The following FRY variants were observed in gnomAD, a reference collection of about 807,000 sequenced individuals.
The protein encoded by FRY is protein furry homolog.
A neutral mutation model predicts 348.4 loss-of-function variants in FRY; 128 were observed. That is an observed-to-expected ratio of 0.37 (90% confidence interval 0.32 to 0.43). The LOEUF (loss-of-function observed/expected upper bound fraction) is 0.43. FRY is among the 20% of genes least tolerant of loss of function. The pLI, the probability that FRY is intolerant of heterozygous loss-of-function variation, is 1.00. For synonymous variants in FRY, 1,370 were observed against 1,374.7 expected (o/e 1.00, Z 0.08); for missense variants, 2,736 against 3,695.2 (o/e 0.74, Z 6.73).
In FRY at chr13:32,161,148, G is replaced by C; in HGVS notation, c.1789G>C (p.Glu597Gln). Residue 597 changes from glutamate (E) to glutamine (Q), a missense_variant, in exon 17 of 61, where the codon GAG (glutamate) becomes CAG (glutamine). Around this residue, in one of 9 missense-constraint regions of FRY, gnomAD observed 191 missense variants for 370.2 expected, o/e 0.52. Transcript: ENST00000542859. Reference sequence around the variant, plus strand: ...AATTTTGTCTTCTAATTCTAGGGGTGAGAGAAAGCCAAAAATAGATCTTTT... The same window carrying C: ...AATTTTGTCTTCTAATTCTAGGGGTCAGAGAAAGCCAAAAATAGATCTTTT... ...NKEPEDMITG[E>Q]RKPKIDLFRT... 1 of 1,602,568 alleles carries C rather than the reference G, an allele frequency of 6.2e-7. No individual in the cohort carries two copies. The highest frequency in any genetic ancestry group is 8.5e-7 in the Non-Finnish European group (1 of 1,169,654).
rs186279127 is a variant in FRY, at chr13:32,264,526, A to G, written c.7780-924A>G. On this transcript the variant is annotated intron_variant, in intron 53 of 60. Coordinates refer to ENST00000542859, the MANE Select transcript of FRY (RefSeq NM_023037.3). The stretch of plus-strand genomic sequence containing the variant: ...AAGAAAATGACTCACTGTAACATGT[A>G]CATCTTTCTTCCTCTCCCTTCTGAT... Among the ~76,000 whole-genome samples, 562 of 152,308 alleles carry G rather than the reference A, an allele frequency of 3.7e-3. 1 individual carries two copies. The highest frequency in any genetic ancestry group is 0.027 in the Middle Eastern group (8 of 294).
chr13:32,188,354 T>A (rs376949874), intron 28 of FRY, among the ~76,000 whole-genome samples: 1 of 152,046 alleles, frequency 6.6e-6, no homozygotes, highest in African/African-American at 2.4e-5. Flanking sequence ...CTTTTAGAGA[T>A]TTTTTTAAGA....
intron 14 of FRY, among the ~76,000 whole-genome samples, chr13:32,151,600 C>CT (rs1214325239): frequency 6.6e-6 from 1 of 152,228 alleles, no homozygotes; most frequent in Non-Finnish European, 1.5e-5. Context: ...GATTATCTTA[C>CT]TGTAAACTTT....
chr13:32,260,254 GTTGTT>G (rs1371129503), intron 51 of FRY, among the ~76,000 whole-genome samples: 1 of 152,124 alleles, frequency 6.6e-6, no homozygotes, highest in East Asian at 1.9e-4. Context: ...ATCAGAAAAA[GTTGTT>G]TTATTTTATT....
rs536226232 is a variant in FRY at position 32,042,456 on chromosome 13, G to T, written c.70+10591G>T. On this transcript the variant is annotated intron_variant, in intron 1 of 60. Transcript: ENST00000542859. Reference sequence around the variant, plus strand: ...TAGAATAACCTCATAAGGGCTGAAAGAGTAAAGACTGTTAATTAGCTTGCC... The same window carrying T: ...TAGAATAACCTCATAAGGGCTGAAATAGTAAAGACTGTTAATTAGCTTGCC... Among the ~76,000 whole-genome samples, 11 of 148,784 alleles carry T rather than the reference G, an allele frequency of 7.4e-5. No individual in the cohort carries two copies. In the South Asian group the frequency reaches 1.9e-3, roughly 25 times the overall value.
At chr13:32,155,141 C>T (rs570305299) in intron 14 of FRY, among the ~76,000 whole-genome samples, 20 of 152,230 alleles carry the variant, frequency 1.3e-4, no homozygotes, top group Non-Finnish European at 2.4e-4. Context: ...TTCCAGGAGA[C>T]GTATGAGCCC....
At chr13:32,108,569 G>A (rs1384374538) in intron 3 of FRY, among the ~76,000 whole-genome samples, 1 of 152,108 alleles carries the variant, frequency 6.6e-6, no homozygotes, top group African/African-American at 2.4e-5. Flanking sequence ...TGTTATTAGT[G>A]CAGGATGTTA....
intron 1 of FRY, among the ~76,000 whole-genome samples, chr13:32,075,004 G>A (rs540722839): frequency 6.6e-6 from 1 of 152,326 alleles, no homozygotes; most frequent in South Asian, 2.1e-4. Flanking sequence ...GAGAGAAGTT[G>A]ATTCAGTCAT....
At chr13:32,245,517 G>T (rs933782968) in intron 47 of FRY, among the ~76,000 whole-genome samples, 3 of 152,068 alleles carry the variant, frequency 2.0e-5, no homozygotes, top group African/African-American at 7.2e-5. Context: ...AGGAGGCTGG[G>T]GAGAGAGTTT....
At chr13:32,116,570 A>G (rs1392839263) in intron 3 of FRY, among the ~76,000 whole-genome samples, 1 of 152,140 alleles carries the variant, frequency 6.6e-6, no homozygotes, top group Non-Finnish European at 1.5e-5. Context: ...GTTTTATCCT[A>G]TGTTTTCTTG....
chr13:32,250,381 T>G (rs1887013304), intron 49 of FRY, among the ~76,000 whole-genome samples: 1 of 152,198 alleles, frequency 6.6e-6, no homozygotes, highest in Non-Finnish European at 1.5e-5. Flanking sequence ...TTCACAGATG[T>G]CAGAAACTGG....
intron 39 of FRY, among the ~76,000 whole-genome samples, chr13:32,227,993 A>C (rs988416371): frequency 1.3e-5 from 2 of 151,774 alleles, no homozygotes; most frequent in Admixed American, 6.6e-5. Context: ...CTTGTGATCC[A>C]CCCGCCTCAG....
At chr13:32,139,965 G>A (rs936034756) in intron 11 of FRY, among the ~76,000 whole-genome samples, 2 of 151,844 alleles carry the variant, frequency 1.3e-5, no homozygotes, top group African/African-American at 2.4e-5. Flanking sequence ...TAAATGAAAT[G>A]ATGTTCATAA....
intron 17 of FRY, among the ~76,000 whole-genome samples, chr13:32,165,847 A>C (rs703216): frequency 0.26 from 39,461 of 152,134 alleles, 5,455 homozygotes; most frequent in Middle Eastern, 0.37. Context: ...TCTGACCAAC[A>C]AAGAAGGCAG....
intron 7 of FRY, 151 bp downstream of exon 7, chr13:32,125,026 T>C: frequency 1.4e-6 from 1 of 719,752 alleles, no homozygotes. Flanking sequence ...AATAGAAAGC[T>C]CTTCCAAGAC....
intron 17 of FRY, among the ~76,000 whole-genome samples, chr13:32,170,264 A>G (rs1275417389): frequency 3.3e-5 from 5 of 152,232 alleles, no homozygotes; most frequent in Admixed American, 6.5e-5. Context: ...CCAGTGATGT[A>G]TTAAAAAGTG....
intron 19 of FRY, among the ~76,000 whole-genome samples, chr13:32,175,218 G>A (rs1033225708): frequency 2.6e-5 from 4 of 152,092 alleles, no homozygotes; most frequent in Admixed American, 2.0e-4. Flanking sequence ...TCTACTCCTC[G>A]AAATTAATAA....
At chr13:32,218,926 A>G in intron 36 of FRY, 95 bp downstream of exon 36, 2 of 742,512 alleles carry the variant, frequency 2.7e-6, no homozygotes, top group Non-Finnish European at 2.4e-6. Context: ...GATTACTAAA[A>G]GGGCCTATAG....
At chr13:32,082,624 T>C (rs1875573021) in intron 2 of FRY, among the ~76,000 whole-genome samples, 1 of 152,202 alleles carries the variant, frequency 6.6e-6, no homozygotes, top group South Asian at 2.1e-4. Flanking sequence ...TCTTTTTCAG[T>C]TCTTTAAGTA....
Sources: gnomAD v4.1 joint callset for allele counts (sites outside exome capture counted in the v4.1 genomes callset) on GRCh38, gnomAD v4.1.1 for gene constraint, gnomAD v4.1.1 regional missense constraint, MANE v1.5 for transcripts, NCBI Gene and HGNC (gene_info 2026-07-23, HGNC 2026-07-21) for gene names.